The following GIGYF2 variants were observed in gnomAD, a reference collection of about 807,000 sequenced individuals.
The protein encoded by GIGYF2 is GRB10 interacting GYF protein 2, also known as GRB10-interacting GYF protein 2.
Under a neutral mutation model 208.1 loss-of-function variants are expected in GIGYF2, and 25 were observed. That is an observed-to-expected ratio of 0.12 (90% confidence interval 0.09 to 0.17). The LOEUF (loss-of-function observed/expected upper bound fraction) is 0.17. Ranked by LOEUF, GIGYF2 falls within the 10% of genes least tolerant of loss-of-function variation. The probability of loss-of-function intolerance (pLI) is 1.00; values close to 1 mark genes in which losing one functional copy is unlikely to be tolerated. For synonymous variants in GIGYF2, 534 were observed against 543.8 expected (o/e 0.98, Z 0.25); for missense variants, 1,302 against 1,579.4 (o/e 0.82, Z 2.98).
chr2:232,859,459 T>G lies in GIGYF2; in HGVS notation c.*2599T>G, dbSNP rs1004792101. 9.9e-5 allele frequency: 15 copies of G among 152,190 alleles called. No individual in the cohort carries two copies. The highest frequency in any genetic ancestry group is 3.4e-4 in the African/African-American group (14 of 41,406). The allele number at this position is 152,190 out of a possible 1,614,324, so 9.4% of individuals were successfully genotyped here. A position where few individuals can be genotyped will look rare whatever the true frequency, so the allele number is the denominator to read the frequency against. Reference sequence around the variant, plus strand: ...GTTTTGTTGGTTGATTTGTTTAAATTCAGAGATTTAAAAACATCCCAGACA... The same window carrying G: ...GTTTTGTTGGTTGATTTGTTTAAATGCAGAGATTTAAAAACATCCCAGACA... On this transcript the variant is annotated 3_prime_UTR_variant, in exon 29 of 29. Transcript: ENST00000373563.
At chr2:232,706,604 C>A (rs1696123642) in intron 2 of GIGYF2, among the ~76,000 whole-genome samples, 1 of 152,032 alleles carries the variant, frequency 6.6e-6, no homozygotes, top group South Asian at 2.1e-4. Flanking sequence ...ACGGCGAAAC[C>A]CTGTCTCTAC....
chr2:232,719,258 A>G (rs563294978), intron 2 of GIGYF2: 29 of 152,332 alleles, frequency 1.9e-4, no homozygotes, highest in African/African-American at 6.5e-4. Context: ...TCTGGAAAGC[A>G]GTATTCGGGA....
At chr2:232,743,070 AC>A (rs1166554638) in intron 3 of GIGYF2, among the ~76,000 whole-genome samples, 1 of 152,192 alleles carries the variant, frequency 6.6e-6, no homozygotes, top group Non-Finnish European at 1.5e-5. Flanking sequence ...GACAACACTT[AC>A]CAAGCGAAGA....
At chr2:232,782,929 G>A (rs1376034864) in intron 8 of GIGYF2, among the ~76,000 whole-genome samples, 1 of 152,098 alleles carries the variant, frequency 6.6e-6, no homozygotes, top group Non-Finnish European at 1.5e-5. Flanking sequence ...AAATCTAGGT[G>A]GTAGTTAAAT....
Position 232,790,900 on chromosome 2 carries a change from A to T in GIGYF2, c.915A>T (p.Ala305=). 6.2e-7 allele frequency: 1 copy of T among 1,614,106 alleles called. No individual in the cohort carries two copies. Among genetic ancestry groups the T allele is most frequent in the Non-Finnish European group, 8.5e-7 (1 of 1,179,936 alleles). Residue 305 remains alanine (A), a synonymous_variant, in exon 10 of 29, where the codon GCA becomes GCT. Transcript: ENST00000373563. ...EEMGTFDSSG[A]FLSLKKVQKE... ...TGGGTACATTTGACTCATCTGGAGC[A>T]TTCCTTTCTCTAAAAGTAAGAAACG... is the stretch of plus-strand genomic sequence containing the variant.
intron 8 of GIGYF2, 147 bp downstream of exon 8, chr2:232,761,583 A>G: frequency 1.6e-6 from 1 of 612,402 alleles, no homozygotes; most frequent in Non-Finnish European, 3.0e-6. Context: ...ACCAGAGATG[A>G]TGAATACAGC....
chr2:232,702,632 A>G (rs11689851), intron 1 of GIGYF2, among the ~76,000 whole-genome samples: 109,824 of 152,084 alleles, frequency 0.72, 40,387 homozygotes, highest in East Asian at 0.88. Flanking sequence ...TCACCAACTT[A>G]TGGATTTTTA....
At chr2:232,772,788 C>A (rs1393725145) in intron 8 of GIGYF2, among the ~76,000 whole-genome samples, 1 of 152,174 alleles carries the variant, frequency 6.6e-6, no homozygotes, top group South Asian at 2.1e-4. Context: ...GTGCTGCATA[C>A]CCACTTCCTG....
chr2:232,830,500 A>C (rs1701397072), intron 21 of GIGYF2, among the ~76,000 whole-genome samples: 2 of 152,162 alleles, frequency 1.3e-5, no homozygotes, highest in African/African-American at 4.8e-5. Flanking sequence ...TGGGAATATA[A>C]TACACAGAGC....
chr2:232,768,097 T>C, intron 8 of GIGYF2: 1 of 1,245,464 alleles, frequency 8.0e-7, no homozygotes, highest in African/African-American at 1.5e-5. Context: ...AGAGCTATAA[T>C]TAGCATTGAA....
chr2:232,710,899 C>T (rs1223996627), intron 2 of GIGYF2, among the ~76,000 whole-genome samples: 1 of 151,796 alleles, frequency 6.6e-6, no homozygotes, highest in East Asian at 1.9e-4. Context: ...CAGGGTTTCA[C>T]TGTGTTGGCC....
At chr2:232,801,254 C>T (rs1700389714) in intron 14 of GIGYF2, among the ~76,000 whole-genome samples, 1 of 152,028 alleles carries the variant, frequency 6.6e-6, no homozygotes, top group Non-Finnish European at 1.5e-5. Context: ...AGGGGCTGGG[C>T]GTGGTGGCTC....
At chr2:232,708,609 T>C in intron 2 of GIGYF2, among the ~76,000 whole-genome samples, 1 of 147,824 alleles carries the variant, frequency 6.8e-6, no homozygotes, top group African/African-American at 2.5e-5. Flanking sequence ...CTGAGGCAGG[T>C]GAATTGCTTG....
intron 2 of GIGYF2, among the ~76,000 whole-genome samples, chr2:232,704,856 A>T (rs367813607): frequency 6.0e-4 from 61 of 101,920 alleles, no homozygotes; most frequent in East Asian, 6.3e-4. Flanking sequence ...TAACTTCTGG[A>T]TTTTTTTTTT....
At chr2:232,705,058 A>G (rs1323950936) in intron 2 of GIGYF2, among the ~76,000 whole-genome samples, 1 of 151,214 alleles carries the variant, frequency 6.6e-6, no homozygotes, top group Non-Finnish European at 1.5e-5. Context: ...ACGGGGTTTC[A>G]CCGTGTTAGC....
chr2:232,750,556 G>A (rs1442873342), intron 5 of GIGYF2, among the ~76,000 whole-genome samples: 1 of 152,050 alleles, frequency 6.6e-6, no homozygotes, highest in African/African-American at 2.4e-5. Context: ...CTGAAGATTT[G>A]GAAAAATTTT....
chr2:232,708,098 G>A lies in GIGYF2; in HGVS notation c.-44+4609G>A, dbSNP rs114713880. 8.6e-4 allele frequency among the ~76,000 whole-genome samples: 131 copies of A among 152,168 alleles called. 2 individuals are homozygous for A. The highest frequency in any genetic ancestry group is 2.8e-3 in the African/African-American group (118 of 41,526). ...CCACCTCAGCCTCCTGAGTATAGGA[G>A]TACAGGCATACACCATTGCACATGG... On this transcript the variant is annotated intron_variant, in intron 2 of 28. Transcript: ENST00000373563.
chr2:232,819,617 A>G (rs1701016840), intron 20 of GIGYF2, among the ~76,000 whole-genome samples: 1 of 152,184 alleles, frequency 6.6e-6, no homozygotes, highest in South Asian at 2.1e-4. Context: ...AACTGCTAAT[A>G]TTTTAAATTC....
chr2:232,776,058 A>G (rs1699498425), intron 8 of GIGYF2, among the ~76,000 whole-genome samples: 1 of 151,472 alleles, frequency 6.6e-6, no homozygotes, highest in South Asian at 2.1e-4. Context: ...GTAAAAACAA[A>G]GTGGCTTATT....
Sources: gnomAD v4.1 joint callset for allele counts (sites outside exome capture counted in the v4.1 genomes callset) on GRCh38, gnomAD v4.1.1 for gene constraint, MANE v1.5 for transcripts, NCBI Gene and HGNC (gene_info 2026-07-23, HGNC 2026-07-21) for gene names.